The following LAMB4 variants were observed in gnomAD, a reference collection of about 807,000 sequenced individuals.
LAMB4 encodes the protein laminin subunit beta 4.
In LAMB4, 196 loss-of-function variants were observed where a neutral mutation model predicts 199.2. That is an observed-to-expected ratio of 0.98 (90% CI 0.88 to 1.11). LAMB4 has a LOEUF of 1.11. Ranked by LOEUF, LAMB4 falls within the 50% of genes least tolerant of loss-of-function variation. The pLI is 0.00. For synonymous variants in LAMB4, 744 were observed against 770.6 expected (o/e 0.97, Z 0.57); for missense variants, 2,080 against 2,171.2 (o/e 0.96, Z 0.83).
In LAMB4 at chr7:108,024,110, C is replaced by T. The variant is rs768585988; in HGVS notation, c.5215G>A (p.Glu1739Lys). 2 of 1,604,966 alleles carry T rather than the reference C, an allele frequency of 1.2e-6. No homozygotes were observed. The highest frequency in any genetic ancestry group is 2.2e-5 in the South Asian group (2 of 89,904). The change falls in exon 34 of 34, where the codon GAA (glutamate) becomes AAA (lysine). Residue 1739 changes from glutamate to lysine, a missense_variant. Coordinates refer to ENST00000388781, the MANE Select transcript of LAMB4 (RefSeq NM_007356.3). ...TTTTTAATGGCAACAACTTGATCTT[C>T]CAATATTCTCAGTTGATCAGCTTTT... ...QAKADQLRIL[E>K]DQVVAIKNEI...
intron 1 of LAMB4, among the ~76,000 whole-genome samples, chr7:108,127,782 A>G (rs1304522538): frequency 6.6e-6 from 1 of 152,160 alleles, no homozygotes; most frequent in African/African-American, 2.4e-5. Context: ...CACTCCAAAG[A>G]CTGATGGCTC....
chr7:108,054,853 G>A (rs766972861), intron 25 of LAMB4, among the ~76,000 whole-genome samples: 2 of 152,008 alleles, frequency 1.3e-5, no homozygotes, highest in Non-Finnish European at 2.9e-5. Flanking sequence ...CTCAACAAAT[G>A]GTTAAATTTT....
chr7:108,022,664 G>T (rs1288644597), downstream of LAMB4, among the ~76,000 whole-genome samples: 1 of 152,060 alleles, frequency 6.6e-6, no homozygotes. Context: ...TTTCTGGGGT[G>T]GTCCTTCCTG....
At chr7:108,124,885 G>A (rs1563115816) in intron 1 of LAMB4, among the ~76,000 whole-genome samples, 1 of 152,094 alleles carries the variant, frequency 6.6e-6, no homozygotes, top group African/African-American at 2.4e-5. Context: ...TTCTTTGCAC[G>A]CTGTTTCCTT....
intron 12 of LAMB4, among the ~76,000 whole-genome samples, chr7:108,094,047 A>T (rs2037507024): frequency 6.6e-6 from 1 of 152,188 alleles, no homozygotes; most frequent in Admixed American, 6.5e-5. Context: ...ACCATCAGAG[A>T]GATGTGGATG....
chr7:108,092,311 A>G, intron 13 of LAMB4, 26 bp downstream of exon 13: 1 of 1,559,142 alleles, frequency 6.4e-7, no homozygotes, highest in Admixed American at 1.7e-5. Flanking sequence ...AATAAGGAAT[A>G]TTGCTATAAA....
At position 108,025,374 on chromosome 7, in the gene LAMB4, C is replaced by CT. The variant is rs1554420484; in HGVS notation, c.5147-1197dup. On this transcript the variant is annotated intron_variant, in intron 33 of 33. Coordinates refer to ENST00000388781, the MANE Select transcript of LAMB4 (RefSeq NM_007356.3). ...TGTTCTGTCACTAGATTCTTTCTTTCTTTCTTTTCTTTTCTTTTCTTTCTT... is the reference window on the plus strand; with the variant it reads ...TGTTCTGTCACTAGATTCTTTCTTTCTTTTCTTTTCTTTTCTTTTCTTTCTT... Among the ~76,000 whole-genome samples, 336 of 130,826 alleles carry CT rather than the reference C, an allele frequency of 2.6e-3. 5 individuals carry two copies. The highest frequency in any genetic ancestry group is 0.011 in the African/African-American group (306 of 27,908). The allele number at this position is 130,826 out of a possible 152,430, so 85.8% of individuals were successfully genotyped here. A position where few individuals can be genotyped will look rare whatever the true frequency, so the allele number is the denominator to read the frequency against.
chr7:108,030,660 T>C (rs1347294226), intron 32 of LAMB4, 146 bp downstream of exon 32: 21 of 737,680 alleles, frequency 2.8e-5, no homozygotes, highest in Non-Finnish European at 4.5e-5. Context: ...CCTTTGTGCA[T>C]CAGGATCCCC....
intron 19 of LAMB4, among the ~76,000 whole-genome samples, chr7:108,067,137 G>T (rs535890525): frequency 1.3e-5 from 2 of 152,028 alleles, no homozygotes; most frequent in South Asian, 2.1e-4. Context: ...ATAGGGTGGC[G>T]CATGGAAGAA....
At chr7:108,091,274 A>G (rs766740989) in intron 14 of LAMB4, among the ~76,000 whole-genome samples, 19 of 152,188 alleles carry the variant, frequency 1.2e-4, no homozygotes, top group Non-Finnish European at 1.8e-4. Context: ...ACCCTTTTAT[A>G]GTTTATAGTA....
chr7:108,108,655 G>GTT (rs201220755), intron 5 of LAMB4, among the ~76,000 whole-genome samples: 4 of 144,116 alleles, frequency 2.8e-5, no homozygotes, highest in Non-Finnish European at 4.6e-5. Flanking sequence ...AAAGACTGGT[G>GTT]TTTTTTTTTT....
At chr7:108,034,011 T>C (rs940617144) in intron 31 of LAMB4, among the ~76,000 whole-genome samples, 197 bp downstream of exon 31, 2 of 152,112 alleles carry the variant, frequency 1.3e-5, no homozygotes, top group Non-Finnish European at 2.9e-5. Context: ...AACCCCAGAA[T>C]TGGTCGCAAT....
intron 11 of LAMB4, among the ~76,000 whole-genome samples, chr7:108,096,656 G>A (rs772435910): frequency 6.6e-6 from 1 of 151,804 alleles, no homozygotes; most frequent in East Asian, 1.9e-4. Context: ...TATGGGCTGG[G>A]CACAGTGGCT....
downstream of LAMB4, among the ~76,000 whole-genome samples, chr7:108,021,335 C>T (rs10268937): frequency 5.0e-3 from 754 of 152,260 alleles, 8 homozygotes; most frequent in African/African-American, 0.017. Context: ...GGGTTGGTTT[C>T]CCTTGAAGAC....
intron 18 of LAMB4, among the ~76,000 whole-genome samples, chr7:108,069,503 G>A (rs1421771133): frequency 2.0e-5 from 3 of 152,180 alleles, no homozygotes; most frequent in African/African-American, 4.8e-5. Flanking sequence ...GCCTATAAAT[G>A]CTGCTGCAAA....
Position 108,052,218 on chromosome 7 carries a change from C to G in LAMB4, c.3795G>C (p.Val1265=). Residue 1265 remains valine, a synonymous_variant, in exon 26 of 34, where the codon GTG becomes GTC. Transcript: ENST00000388781. ...TATCTTTCAGATCTTGAAATTCATA[C>G]ACTGCTTTCAGTTGTTCATTTAGCT... The part of the protein sequence containing the change: ...IMQLNEQLKA[V]YEFQDLKDTI... The G allele has an allele frequency of 6.2e-7, 1 of 1,610,048 alleles. No individual in the cohort carries two copies. Among genetic ancestry groups the G allele is most frequent in the African/African-American group, 1.3e-5 (1 of 74,992 alleles).
chr7:108,052,258 C>T lies in LAMB4; in HGVS notation c.3756-1G>A. The T allele has an allele frequency of 6.3e-7, 1 of 1,580,364 alleles. No homozygotes were observed. Reference sequence around the variant, plus strand: ...TTCATTTAGCTGCATGATTTGTCTTCTATAGAGGAAATAAGGGTAAATGTA... The same window carrying T: ...TTCATTTAGCTGCATGATTTGTCTTTTATAGAGGAAATAAGGGTAAATGTA... On this transcript the variant is annotated splice_acceptor_variant, in intron 25 of 33. Coordinates refer to ENST00000388781, the MANE Select transcript of LAMB4 (RefSeq NM_007356.3). LOFTEE classifies it high-confidence loss of function.
intron 25 of LAMB4, among the ~76,000 whole-genome samples, chr7:108,053,054 A>G (rs1584639241): frequency 1.3e-5 from 2 of 152,328 alleles, no homozygotes; most frequent in African/African-American, 4.8e-5. Flanking sequence ...TTCAGGCTCC[A>G]ATTGTCACAA....
Position 108,109,395 on chromosome 7 carries a change from A to G in LAMB4, c.329-151T>C. On this transcript the variant is annotated intron_variant, in intron 4 of 33. Transcript: ENST00000388781. Reference sequence around the variant, plus strand: ...TCCCAGTCTGTTGGAGTGGTATCCCATGCCACTCCAAGCCCAGGAGGTATG... The same window carrying G: ...TCCCAGTCTGTTGGAGTGGTATCCCGTGCCACTCCAAGCCCAGGAGGTATG... The G allele has an allele frequency of 4.7e-6, 3 of 636,320 alleles. No homozygotes were observed. In the South Asian group the frequency reaches 5.4e-5, roughly 11 times the overall value. 39.4% of individuals were successfully genotyped at this position (636,320 alleles called of 1,614,324 possible). A position where few individuals can be genotyped will look rare whatever the true frequency, so the allele number is the denominator to read the frequency against.
Sources: gnomAD v4.1 joint callset for allele counts (sites outside exome capture counted in the v4.1 genomes callset) on GRCh38, gnomAD v4.1.1 for gene constraint, MANE v1.5 for transcripts, NCBI Gene and HGNC (gene_info 2026-07-23, HGNC 2026-07-21) for gene names.